CMTM8: variants seen among roughly 807,000 people sequenced by gnomAD.
CMTM8 encodes the protein CKLF-like MARVEL transmembrane domain-containing protein 8.
In CMTM8, 12 loss-of-function variants were observed where a neutral mutation model predicts 18.6. That is an observed-to-expected ratio of 0.65 (90% CI 0.41 to 1.05). The LOEUF (loss-of-function observed/expected upper bound fraction) is 1.05, where lower values mean the gene tolerates loss of function less well. CMTM8 is among the 50% of genes least tolerant of loss of function. CMTM8 has a pLI of 0.00. For missense variants in CMTM8, 217 were observed against 227.2 expected, an observed-to-expected ratio of 0.95 and a Z score of 0.29; for synonymous variants, 87 against 90.6, an observed-to-expected ratio of 0.96 and a Z score of 0.23.
intron 1 of CMTM8, among the ~76,000 whole-genome samples, chr3:32,269,700 G>T (rs1038632517): frequency 6.6e-6 from 1 of 152,164 alleles, no homozygotes; most frequent in Non-Finnish European, 1.5e-5. Flanking sequence ...TCTTCTGCAT[G>T]CCCCTAGAAC....
intron 1 of CMTM8, among the ~76,000 whole-genome samples, chr3:32,345,292 G>T (rs1696576108): frequency 2.0e-5 from 3 of 152,098 alleles, no homozygotes; most frequent in African/African-American, 7.2e-5. Context: ...GGAGGTTGAG[G>T]CTGCAACGAG....
At chr3:32,254,580 A>G (rs1166573746) in intron 1 of CMTM8, among the ~76,000 whole-genome samples, 1 of 152,130 alleles carries the variant, frequency 6.6e-6, no homozygotes, top group Non-Finnish European at 1.5e-5. Context: ...TTTTTACCCC[A>G]AATTTTAAGC....
chr3:32,267,324 A>G (rs1336401478), intron 1 of CMTM8, among the ~76,000 whole-genome samples: 1 of 152,220 alleles, frequency 6.6e-6, no homozygotes, highest in Non-Finnish European at 1.5e-5. Context: ...GATCTTTGAC[A>G]AACCTGACAA....
chr3:32,300,567 A>G (rs1386400554), intron 1 of CMTM8, among the ~76,000 whole-genome samples: 1 of 152,196 alleles, frequency 6.6e-6, no homozygotes, highest in Admixed American at 6.5e-5. Flanking sequence ...ACTTTAGGGT[A>G]TTGTCTTCTG....
chr3:32,339,982 A>T (rs114023876), intron 1 of CMTM8, among the ~76,000 whole-genome samples: 1 of 152,152 alleles, frequency 6.6e-6, no homozygotes, highest in Admixed American at 6.5e-5. Context: ...ATAAATAAAT[A>T]AAAAGAACTT....
chr3:32,341,271 T>C (rs73824678), intron 1 of CMTM8, among the ~76,000 whole-genome samples: 4,336 of 152,188 alleles, frequency 0.028, 114 homozygotes, highest in South Asian at 0.069. Context: ...TTTACTAGAA[T>C]CTCCATATGC....
rs549721301 is a variant in CMTM8 at position 32,316,962 on chromosome 3, T to C, written c.148-40411T>C. 3.2e-4 allele frequency among the ~76,000 whole-genome samples: 49 copies of C among 152,350 alleles called. 1 individual carries two copies. In the South Asian group the frequency reaches 8.7e-3, roughly 27 times the overall value. ...GCAGGACAAGCCAGCGTTTGGAAATTGAACCCTAGACTTACATATTACTCT... is the reference window on the plus strand; with the variant it reads ...GCAGGACAAGCCAGCGTTTGGAAATCGAACCCTAGACTTACATATTACTCT... On this transcript the variant is annotated intron_variant, in intron 1 of 3. Coordinates refer to ENST00000307526, the MANE Select transcript of CMTM8 (RefSeq NM_178868.5).
chr3:32,273,129 A>ATTGTGTGTGTGTG (rs138455459), intron 1 of CMTM8, among the ~76,000 whole-genome samples: 4 of 143,026 alleles, frequency 2.8e-5, no homozygotes, highest in East Asian at 2.2e-4. Flanking sequence ...ATTGGAACAA[A>ATTGTGTGTGTGTG]TGTGTGTGTG....
chr3:32,274,476 T>A (rs1337152329), intron 1 of CMTM8, among the ~76,000 whole-genome samples: 3 of 152,284 alleles, frequency 2.0e-5, no homozygotes, highest in African/African-American at 7.2e-5. Context: ...ACTTTCACTG[T>A]AATTTCTGAA....
chr3:32,323,417 A>G (rs1317740107), intron 1 of CMTM8, among the ~76,000 whole-genome samples: 1 of 152,222 alleles, frequency 6.6e-6, no homozygotes, highest in African/African-American at 2.4e-5. Context: ...TACTCCATGT[A>G]TAAAAAAATA....
At chr3:32,282,980 A>G (rs1203076918) in intron 1 of CMTM8, among the ~76,000 whole-genome samples, 1 of 150,550 alleles carries the variant, frequency 6.6e-6, no homozygotes, top group Non-Finnish European at 1.5e-5. Flanking sequence ...GTATTTTTCC[A>G]TAGCATTTGT....
At chr3:32,247,016 G>A (rs1041324535) in intron 1 of CMTM8, among the ~76,000 whole-genome samples, 2 of 152,084 alleles carry the variant, frequency 1.3e-5, no homozygotes, top group African/African-American at 2.4e-5. Flanking sequence ...CAGGAGAATC[G>A]CTTGAACCTG....
chr3:32,327,248 T>C (rs12629304), intron 1 of CMTM8, among the ~76,000 whole-genome samples: 11,179 of 152,240 alleles, frequency 0.073, 570 homozygotes, highest in East Asian at 0.25. Flanking sequence ...CTCTTCTGAA[T>C]AGTACTTCTC....
chr3:32,361,786 C>A (rs183559403), intron 2 of CMTM8, among the ~76,000 whole-genome samples: 2 of 152,288 alleles, frequency 1.3e-5, no homozygotes, highest in Non-Finnish European at 2.9e-5. Context: ...CCTCTGAGCT[C>A]CTGGGCTACA....
chr3:32,284,459 G>C (rs890054728), intron 1 of CMTM8, among the ~76,000 whole-genome samples: 1 of 152,154 alleles, frequency 6.6e-6, no homozygotes, highest in Non-Finnish European at 1.5e-5. Flanking sequence ...GCCTCACCTT[G>C]TCCTCACCTT....
chr3:32,248,815 T>G (rs1702077179), intron 1 of CMTM8, among the ~76,000 whole-genome samples: 1 of 151,880 alleles, frequency 6.6e-6, no homozygotes, highest in South Asian at 2.1e-4. Context: ...GGACTACAGG[T>G]GTGGGCCACT....
At chr3:32,299,584 G>A (rs928423369) in intron 1 of CMTM8, among the ~76,000 whole-genome samples, 1 of 152,186 alleles carries the variant, frequency 6.6e-6, no homozygotes, top group Non-Finnish European at 1.5e-5. Context: ...CTTGGAAAAT[G>A]AGGTATCTAT....
intron 1 of CMTM8, among the ~76,000 whole-genome samples, chr3:32,333,631 C>CAA (rs10576288): frequency 1.7e-4 from 20 of 114,826 alleles, no homozygotes; most frequent in African/African-American, 4.9e-4. Context: ...ACTTTTCCAC[C>CAA]AAAAAAAAAA....
intron 1 of CMTM8, among the ~76,000 whole-genome samples, chr3:32,305,765 A>C (rs1322075901): frequency 6.6e-6 from 1 of 152,134 alleles, no homozygotes; most frequent in Non-Finnish European, 1.5e-5. Flanking sequence ...TTGTTTCCTC[A>C]TTTGTGCCTC....
Sources: allele counts gnomAD v4.1 joint callset (sites outside exome capture counted in the v4.1 genomes callset), GRCh38; gene constraint gnomAD v4.1.1; transcripts MANE v1.5; gene names NCBI Gene and HGNC (gene_info 2026-07-23, HGNC 2026-07-21).